Variants in RAD51B observed in about 807,000 individuals in gnomAD.
The protein encoded by RAD51B is DNA repair protein RAD51 homolog 2.
Under a neutral mutation model 42.2 loss-of-function variants are expected in RAD51B, and 38 were observed. The ratio of observed to expected loss-of-function variants is 0.90; its 90% CI spans 0.70 to 1.18. The LOEUF (loss-of-function observed/expected upper bound fraction) is 1.18. RAD51B is among the 50% of genes most tolerant of loss of function. The pLI is 0.00. For missense variants in RAD51B, 373 were observed against 400.7 expected (o/e 0.93, Z 0.59); for synonymous variants, 154 against 145.2 (o/e 1.06, Z -0.43).
intron 10 of RAD51B, among the ~76,000 whole-genome samples, chr14:68,519,134 C>A (rs1886390741): frequency 6.6e-6 from 1 of 152,212 alleles, no homozygotes; most frequent in Non-Finnish European, 1.5e-5. Context: ...AGCTACAAAC[C>A]AGGCTTTTCC....
chr14:68,482,176 G>GGTGTGTGTGTGTGTGTGTGTGT (rs66768673), downstream of RAD51B, among the ~76,000 whole-genome samples: 1 of 149,800 alleles, frequency 6.7e-6, no homozygotes, highest in Non-Finnish European at 1.5e-5. Flanking sequence ...ATATTTTAGG[G>GGTGTGTGTGTGTGTGTGTGTGT]GTGTGTGTGT....
intron 7 of RAD51B, among the ~76,000 whole-genome samples, chr14:68,167,429 G>A (rs368301264): frequency 2.0e-5 from 3 of 152,056 alleles, no homozygotes; most frequent in Non-Finnish European, 4.4e-5. Flanking sequence ...CCTATAGCAC[G>A]TATTTTGTGT....
At position 68,140,032 on chromosome 14, in the gene RAD51B, A is replaced by C. The variant is rs534223595; in HGVS notation, c.757-151852A>C. Among the ~76,000 whole-genome samples, 3 of 152,340 alleles carry C rather than the reference A, an allele frequency of 2.0e-5. No homozygotes were observed. In the South Asian group the frequency reaches 6.2e-4, roughly 32 times the overall value. ...AGGTGCCTCCCTGAGAAACCCTGCC[A>C]GAGGGTTGGCATGCCATGCTGATCG... On this transcript the variant is annotated intron_variant, in intron 7 of 10. Transcript: ENST00000471583.
chr14:68,249,898 C>A (rs1451292941), intron 7 of RAD51B, among the ~76,000 whole-genome samples: 1 of 152,088 alleles, frequency 6.6e-6, no homozygotes, highest in Non-Finnish European at 1.5e-5. Flanking sequence ...TAAATCAGAC[C>A]AAGGATATTA....
rs78851106 is a variant in RAD51B at position 67,927,019 on chromosome 14, A to G, written c.756+39815A>G. ...AATGATATGTTACAAAGTATTTTAT[A>G]CTGTGATATTATTTCCTATGAGTCA... On this transcript the variant is annotated intron_variant, in intron 7 of 10. Coordinates refer to ENST00000471583, the MANE Select transcript of RAD51B (RefSeq NM_133510.4). Among the ~76,000 whole-genome samples, 1,348 of 152,300 alleles carry G rather than the reference A, an allele frequency of 8.9e-3. 21 individuals are homozygous for G. Among genetic ancestry groups the G allele is most frequent in the African/African-American group, 0.031 (1,269 of 41,554 alleles).
intron 7 of RAD51B, among the ~76,000 whole-genome samples, chr14:68,263,001 G>A (rs1436963110): frequency 6.6e-6 from 1 of 152,078 alleles, no homozygotes; most frequent in Admixed American, 6.6e-5. Context: ...CTTTTCTCTT[G>A]GTAATGTGGC....
chr14:67,879,441 G>GT (rs1019710494), intron 5 of RAD51B, among the ~76,000 whole-genome samples: 1 of 151,678 alleles, frequency 6.6e-6, no homozygotes, highest in African/African-American at 2.4e-5. Context: ...TTTTTTGTTT[G>GT]TTTTTTGTTT....
intron 7 of RAD51B, among the ~76,000 whole-genome samples, chr14:68,120,500 A>G (rs2077629564): frequency 6.6e-6 from 1 of 152,232 alleles, no homozygotes; most frequent in Non-Finnish European, 1.5e-5. Context: ...AAAGGTGCCT[A>G]ACAAAAACTG....
chr14:68,220,873 C>T (rs183878143), intron 7 of RAD51B, among the ~76,000 whole-genome samples: 2 of 152,314 alleles, frequency 1.3e-5, no homozygotes, highest in East Asian at 1.9e-4. Flanking sequence ...TGGCTCACAC[C>T]TGTAATCCCA....
intron 7 of RAD51B, among the ~76,000 whole-genome samples, chr14:68,214,562 A>C (rs1161363732): frequency 6.6e-6 from 1 of 152,220 alleles, no homozygotes. Context: ...CTCCAAGTAA[A>C]GCATGTCAGT....
intron 7 of RAD51B, among the ~76,000 whole-genome samples, chr14:68,068,763 T>TA (rs1200703759): frequency 1.3e-5 from 2 of 152,168 alleles, no homozygotes; most frequent in Admixed American, 1.3e-4. Flanking sequence ...TTCCTCCACA[T>TA]ACACACCAAT....
downstream of RAD51B, among the ~76,000 whole-genome samples, chr14:68,479,667 C>CTTTTTTTT (rs34999023): frequency 2.1e-5 from 2 of 96,438 alleles, no homozygotes; most frequent in African/African-American, 4.1e-5. Context: ...TCTTATTCTT[C>CTTTTTTTT]TTTTTTTTTT....
chr14:68,668,446 A>G (rs1289467830), intron 11 of RAD51B, among the ~76,000 whole-genome samples: 1 of 152,224 alleles, frequency 6.6e-6, no homozygotes, highest in Admixed American at 6.5e-5. Flanking sequence ...CGTTAGGTGG[A>G]GGCCATATGA....
chr14:68,171,594 C>T (rs190450210), intron 7 of RAD51B, among the ~76,000 whole-genome samples: 102 of 152,074 alleles, frequency 6.7e-4, no homozygotes, highest in African/African-American at 2.3e-3. Context: ...AGAACCGCAC[C>T]CAGCCTACAG....
intron 10 of RAD51B, among the ~76,000 whole-genome samples, chr14:68,570,414 T>G (rs1413255441): frequency 1.3e-5 from 2 of 152,212 alleles, no homozygotes; most frequent in Admixed American, 6.5e-5. Flanking sequence ...TTGCATAGGA[T>G]AGACCAGTGG....
At chr14:68,102,009 C>T (rs780159457) in intron 7 of RAD51B, among the ~76,000 whole-genome samples, 19 of 152,208 alleles carry the variant, frequency 1.2e-4, no homozygotes, top group Non-Finnish European at 2.5e-4. Flanking sequence ...TCCAACACCA[C>T]ATGGAAGCTG....
intron 6 of RAD51B, 55 bp downstream of exon 6, chr14:67,886,043 TC>T: frequency 1.5e-6 from 2 of 1,361,826 alleles, no homozygotes; most frequent in Non-Finnish European, 2.0e-6. Flanking sequence ...TTATGTTTTA[TC>T]TTTTATGTTT....
chr14:68,112,514 A>C (rs181005266), intron 7 of RAD51B, among the ~76,000 whole-genome samples: 1 of 152,260 alleles, frequency 6.6e-6, no homozygotes, highest in East Asian at 1.9e-4. Flanking sequence ...TTCTTCATGC[A>C]GATAGTCTTT....
intron 8 of RAD51B, among the ~76,000 whole-genome samples, chr14:68,332,210 T>A (rs932110305): frequency 6.6e-6 from 1 of 152,218 alleles, no homozygotes; most frequent in Admixed American, 6.5e-5. Flanking sequence ...CAGAACTTAC[T>A]GTATTACCCA....
Sources: gnomAD v4.1 joint callset for allele counts (sites outside exome capture counted in the v4.1 genomes callset) on GRCh38, gnomAD v4.1.1 for gene constraint, MANE v1.5 for transcripts, NCBI Gene and HGNC (gene_info 2026-07-23, HGNC 2026-07-21) for gene names.